The following ZNF521 variants were observed in gnomAD, a reference collection of about 807,000 sequenced individuals.
ZNF521 encodes LYST-interacting protein 3.
ZNF521 carries 14 observed loss-of-function variants against 105.5 expected under a neutral mutation model. That is an observed-to-expected ratio of 0.13 (90% CI 0.09 to 0.21). The LOEUF is 0.21. Among genes scored for constraint, ZNF521 ranks in the 10% least tolerant of loss-of-function variants. The pLI is 1.00. For synonymous variants in ZNF521, 635 were observed against 606.0 expected, an observed-to-expected ratio of 1.05 and a Z score of -0.70; for missense variants, 1,233 against 1,629.7, an observed-to-expected ratio of 0.76 and a Z score of 4.19.
intron 2 of ZNF521, among the ~76,000 whole-genome samples, chr18:25,325,724 G>A (rs1025953853): frequency 2.6e-5 from 4 of 152,104 alleles, no homozygotes; most frequent in Non-Finnish European, 5.9e-5. Flanking sequence ...AGGGTGCTGT[G>A]GGACACTGGA....
chr18:25,116,975 A>ATATATACG (rs1567968715), intron 5 of ZNF521, among the ~76,000 whole-genome samples: 478 of 37,424 alleles, frequency 0.013, 4 homozygotes, highest in African/African-American at 0.069. Flanking sequence ...ATATATATGT[A>ATATATACG]TATATATATA....
At chr18:25,179,646 A>G (rs1434816424) in intron 5 of ZNF521, among the ~76,000 whole-genome samples, 5 of 152,234 alleles carry the variant, frequency 3.3e-5, no homozygotes, top group Admixed American at 2.6e-4. Flanking sequence ...TTACATATAA[A>G]AGGAGCCAAG....
At chr18:25,314,330 C>G (rs1436533213) in intron 3 of ZNF521, among the ~76,000 whole-genome samples, 3 of 152,208 alleles carry the variant, frequency 2.0e-5, no homozygotes, top group African/African-American at 7.2e-5. Context: ...TGGAATGAAC[C>G]AGTCTTTAAT....
At chr18:25,215,976 AATTT>A (rs1487479370) in intron 4 of ZNF521, among the ~76,000 whole-genome samples, 1 of 152,180 alleles carries the variant, frequency 6.6e-6, no homozygotes, top group East Asian at 1.9e-4. Flanking sequence ...GAACCTTATC[AATTT>A]ATTTGGTCCT....
chr18:25,113,063 C>A (rs570467149), intron 5 of ZNF521, among the ~76,000 whole-genome samples: 3 of 128,164 alleles, frequency 2.3e-5, no homozygotes, highest in Admixed American at 2.3e-4. Context: ...CTAATGAAAT[C>A]GGCATAGGGG....
chr18:25,125,579 T>C lies in ZNF521; in HGVS notation c.3659-33498A>G, dbSNP rs561263266. ...CAAGTTTGATTATGGGTTAGTAGGA[T>C]TGCATCAGCTATCTCTTTGACTATG... On this transcript the variant is annotated intron_variant, in intron 5 of 7. Coordinates refer to ENST00000361524, the MANE Select transcript of ZNF521 (RefSeq NM_015461.3). Among the ~76,000 whole-genome samples the C allele has an allele frequency of 3.9e-5, 6 of 152,020 alleles. No individual in the cohort carries two copies. In the East Asian group the frequency reaches 9.7e-4, roughly 25 times the overall value.
chr18:25,130,345 C>A (rs2034616864), intron 5 of ZNF521, among the ~76,000 whole-genome samples: 1 of 152,048 alleles, frequency 6.6e-6, no homozygotes, highest in Admixed American at 6.6e-5. Flanking sequence ...GGGGAAGGAG[C>A]AGAGGGATGA....
At chr18:25,238,078 T>C (rs1381092063) in intron 3 of ZNF521, among the ~76,000 whole-genome samples, 1 of 152,142 alleles carries the variant, frequency 6.6e-6, no homozygotes, top group Non-Finnish European at 1.5e-5. Context: ...GAAACCCACA[T>C]CCAAATCTCC....
At position 25,350,180 on chromosome 18, in the gene ZNF521, T is replaced by C. The variant is rs1914666488; in HGVS notation, c.40+727A>G. Among the ~76,000 whole-genome samples the C allele has an allele frequency of 1.3e-5, 2 of 151,856 alleles. 1 individual carries two copies. Among genetic ancestry groups the C allele is most frequent in the South Asian group, 4.2e-4 (2 of 4,812 alleles). On this transcript the variant is annotated intron_variant, in intron 2 of 7. Coordinates refer to ENST00000361524, the MANE Select transcript of ZNF521 (RefSeq NM_015461.3). ...CCGCACGCACGCCCCGCAACTTCCC[T>C]CTCCAACAGGGACGACGGAGAGCTG...
intron 5 of ZNF521, among the ~76,000 whole-genome samples, chr18:25,159,410 G>A (rs890609651): frequency 6.6e-6 from 1 of 152,162 alleles, no homozygotes; most frequent in Non-Finnish European, 1.5e-5. Context: ...ACATACAGAT[G>A]TTTAAGTTTT....
chr18:25,083,433 A>C (rs1388173969), intron 7 of ZNF521, among the ~76,000 whole-genome samples: 2 of 152,170 alleles, frequency 1.3e-5, no homozygotes, highest in Admixed American at 1.3e-4. Context: ...TTGTTCACTT[A>C]GGTCAGCACT....
intron 3 of ZNF521, among the ~76,000 whole-genome samples, chr18:25,256,047 A>G (rs1908479179): frequency 1.3e-5 from 2 of 148,590 alleles, no homozygotes; most frequent in Admixed American, 1.4e-4. Flanking sequence ...TATATGATAT[A>G]TATATATGTA....
At chr18:25,319,464 T>C (rs1912816961) in intron 3 of ZNF521, among the ~76,000 whole-genome samples, 1 of 151,840 alleles carries the variant, frequency 6.6e-6, no homozygotes. Context: ...GGCATGGTGG[T>C]ATGCACCTGC....
At chr18:25,232,245 CT>C (rs1383541529) in intron 3 of ZNF521, among the ~76,000 whole-genome samples, 1 of 152,210 alleles carries the variant, frequency 6.6e-6, no homozygotes, top group Non-Finnish European at 1.5e-5. Context: ...TAATCTGCCC[CT>C]ACCTAGGTAT....
At chr18:25,140,531 A>T (rs938132442) in intron 5 of ZNF521, among the ~76,000 whole-genome samples, 9 of 152,220 alleles carry the variant, frequency 5.9e-5, no homozygotes, top group African/African-American at 2.2e-4. Flanking sequence ...TTTTGTTAAC[A>T]CATTAAGCAT....
At chr18:25,150,412 T>C (rs2144484083) in intron 5 of ZNF521, among the ~76,000 whole-genome samples, 1 of 152,198 alleles carries the variant, frequency 6.6e-6, no homozygotes, top group Admixed American at 6.5e-5. Flanking sequence ...ACACCACCTG[T>C]TTCCCTAAAA....
At chr18:25,290,516 T>A (rs970413006) in intron 3 of ZNF521, among the ~76,000 whole-genome samples, 2 of 152,044 alleles carry the variant, frequency 1.3e-5, no homozygotes, top group African/African-American at 2.4e-5. Flanking sequence ...GAGGTGCTGA[T>A]ACCACTGTTT....
At chr18:25,270,460 A>C (rs1277351223) in intron 3 of ZNF521, among the ~76,000 whole-genome samples, 1 of 152,234 alleles carries the variant, frequency 6.6e-6, no homozygotes, top group Non-Finnish European at 1.5e-5. Flanking sequence ...AAAACCTGGT[A>C]GAGACACAAC....
intron 5 of ZNF521, among the ~76,000 whole-genome samples, chr18:25,137,392 T>C (rs2034756366): frequency 6.6e-6 from 1 of 152,188 alleles, no homozygotes; most frequent in Non-Finnish European, 1.5e-5. Context: ...GGAAGTAGGC[T>C]GCCCCTACAA....
Sources: allele counts gnomAD v4.1 joint callset (sites outside exome capture counted in the v4.1 genomes callset), GRCh38; gene constraint gnomAD v4.1.1; transcripts MANE v1.5; gene names NCBI Gene and HGNC (gene_info 2026-07-23, HGNC 2026-07-21).